AFAP1: variants seen among roughly 807,000 people sequenced by gnomAD.
AFAP1 encodes the protein actin filament-associated protein 1.
AFAP1 carries 75 observed loss-of-function variants against 93.9 expected under a neutral mutation model. The ratio of observed to expected loss-of-function variants is 0.80; its 90% CI spans 0.66 to 0.97. The LOEUF (loss-of-function observed/expected upper bound fraction) is 0.97, where lower values mean the gene tolerates loss of function less well. AFAP1 is among the 50% of genes least tolerant of loss of function. The pLI is 0.00. For missense variants in AFAP1, 1,201 were observed against 1,050.8 expected, an observed-to-expected ratio of 1.14 and a Z score of -1.98; for synonymous variants, 517 against 430.7, an observed-to-expected ratio of 1.20 and a Z score of -2.48.
chr4:7,904,181 T>C (rs1415743101), intron 1 of AFAP1, among the ~76,000 whole-genome samples: 1 of 152,128 alleles, frequency 6.6e-6, no homozygotes, highest in Non-Finnish European at 1.5e-5. Context: ...GCTGCCATGA[T>C]GACAGCGAAT....
rs1713494631 is a variant in AFAP1, at chr4:7,759,591, C to CAAACT, written c.*4169_*4173dup. On this transcript the variant is annotated 3_prime_UTR_variant, in exon 18 of 18. Transcript: ENST00000420658. ...CAGGAAAAAATGAATTATCCTCCTTCAAACTATGTCATGAACTTGAAGTGA... is the reference window on the plus strand; with the variant it reads ...CAGGAAAAAATGAATTATCCTCCTTCAAACTAAACTATGTCATGAACTTGAAGTGA... The CAAACT allele has an allele frequency of 6.5e-6, 1 of 152,696 alleles. No homozygotes were observed. The highest frequency in any genetic ancestry group is 2.4e-5 in the African/African-American group (1 of 41,476). The allele number at this position is 152,696 out of a possible 1,614,324, so 9.5% of individuals were successfully genotyped here.
chr4:7,793,750 G>T lies in AFAP1; in HGVS notation c.1343C>A (p.Ala448Asp). The change falls in exon 11 of 18, where the codon GCT becomes GAT. Residue 448 changes from alanine to aspartate, a missense_variant. By Grantham distance (126) the Ala-to-Asp change is moderately radical (BLOSUM62 -2). Transcript: ENST00000420658. ...CACATCAATGTAGTCATAGTGCAGA[G>T]CCTCCGGGTCTGTGGACGATCCCGT... ...AETGSSTDPE[A>D]LHYDYIDVEM... 1 of 1,580,430 alleles carries T rather than the reference G, an allele frequency of 6.3e-7. No individual in the cohort carries two copies. The highest frequency in any genetic ancestry group is 8.7e-7 in the Non-Finnish European group (1 of 1,153,660).
intron 1 of AFAP1, among the ~76,000 whole-genome samples, chr4:7,913,642 C>A (rs191311092): frequency 6.6e-6 from 1 of 152,218 alleles, no homozygotes; most frequent in Non-Finnish European, 1.5e-5. Context: ...AGCATGTATG[C>A]CTATTAATTA....
At position 7,774,900 on chromosome 4, in the gene AFAP1, G is replaced by A; in HGVS notation, c.1901C>T (p.Ala634Val). 1 of 1,605,834 alleles carries A rather than the reference G, an allele frequency of 6.2e-7. No individual in the cohort carries two copies. The highest frequency in any genetic ancestry group is 2.2e-5 in the East Asian group (1 of 44,832). ...AAVVKRTGSN[A>V]AQYKYGKNRV... ...GTTCTTGCCATACTTGTACTGGGCA[G>A]CATCTTGAGAAGAAAAAAAAGCAGC... is the stretch of plus-strand genomic sequence containing the variant. Residue 634 changes from alanine to valine, a missense_variant, in exon 15 of 18, where the codon GCT (alanine) becomes GTT (valine). By Grantham distance (64) the Ala-to-Val change is moderately conservative. Coordinates refer to ENST00000420658, the MANE Select transcript of AFAP1 (RefSeq NM_001134647.2).
At chr4:7,911,383 T>G (rs1239584889) in intron 1 of AFAP1, among the ~76,000 whole-genome samples, 3 of 152,342 alleles carry the variant, frequency 2.0e-5, no homozygotes, top group South Asian at 2.1e-4. Context: ...GCCTCGCCCA[T>G]GTTGCAGGCA....
rs145681830 is a variant in AFAP1, at chr4:7,893,180, C to A, written c.-2-21100G>T. On this transcript the variant is annotated intron_variant, in intron 1 of 17. Coordinates refer to ENST00000420658, the MANE Select transcript of AFAP1 (RefSeq NM_001134647.2). ...TTCCAGATCAGTGGCTAGCAACATC[C>A]CCTTTCCATCAGGAAAATCATGTTG... 1.1e-3 allele frequency among the ~76,000 whole-genome samples: 163 copies of A among 152,310 alleles called. 1 individual carries two copies. Among genetic ancestry groups the A allele is most frequent in the African/African-American group, 3.8e-3 (159 of 41,570 alleles).
At chr4:7,840,627 T>G (rs1712901577) in intron 5 of AFAP1, among the ~76,000 whole-genome samples, 1 of 152,178 alleles carries the variant, frequency 6.6e-6, no homozygotes, top group Non-Finnish European at 1.5e-5. Context: ...GTTTTGGTCT[T>G]CTAAATCCAG....
At chr4:7,873,261 A>AC (rs778147026) in intron 1 of AFAP1, among the ~76,000 whole-genome samples, 2 of 124,632 alleles carry the variant, frequency 1.6e-5, no homozygotes, top group African/African-American at 5.6e-5. Context: ...AAAAAAAAAA[A>AC]CCCCACTTTC....
At chr4:7,799,861 G>A (rs1375930402) in intron 10 of AFAP1, among the ~76,000 whole-genome samples, 3 of 152,118 alleles carry the variant, frequency 2.0e-5, no homozygotes, top group Non-Finnish European at 4.4e-5. Context: ...TAGTGAAGCA[G>A]CCAAATAAAT....
intron 10 of AFAP1, among the ~76,000 whole-genome samples, chr4:7,797,016 C>T (rs1358198984): frequency 6.6e-6 from 1 of 151,488 alleles, no homozygotes; most frequent in South Asian, 2.1e-4. Flanking sequence ...GCCGAGATTG[C>T]GCCACTGCAC....
intron 1 of AFAP1, among the ~76,000 whole-genome samples, chr4:7,891,732 T>C (rs953678375): frequency 1.7e-5 from 2 of 119,934 alleles, no homozygotes; most frequent in Non-Finnish European, 1.7e-5. Flanking sequence ...AACTTATAAA[T>C]ATGGTCTCAT....
Position 7,855,447 on chromosome 4 carries a change from G to A in AFAP1, c.334+19C>T. ...GCCAATCACAAAGGCAGCATGGCTG[G>A]GCAGGGCTGGCCACTCACTTGATGT... On this transcript the variant is annotated intron_variant, in intron 4 of 17. Transcript: ENST00000420658. 6.4e-7 allele frequency: 1 copy of A among 1,552,958 alleles called. No homozygotes were observed. Among genetic ancestry groups the A allele is most frequent in the Non-Finnish European group, 8.8e-7 (1 of 1,136,310 alleles).
chr4:7,889,105 T>C (rs932770043), intron 1 of AFAP1, among the ~76,000 whole-genome samples: 1 of 152,132 alleles, frequency 6.6e-6, no homozygotes, highest in Admixed American at 6.6e-5. Context: ...ACAAAATTTT[T>C]AGCAAATTAA....
chr4:7,787,702 T>A (rs1316640675), intron 11 of AFAP1, among the ~76,000 whole-genome samples: 2 of 152,094 alleles, frequency 1.3e-5, no homozygotes, highest in Non-Finnish European at 2.9e-5. Context: ...CTCACTCCCC[T>A]TCAAGGAGGG....
intron 4 of AFAP1, among the ~76,000 whole-genome samples, chr4:7,848,251 G>A (rs991711544): frequency 4.9e-5 from 7 of 143,010 alleles, no homozygotes; most frequent in African/African-American, 1.8e-4. Flanking sequence ...GGAAGGGAGG[G>A]AGGGAAGGAA....
intron 1 of AFAP1, among the ~76,000 whole-genome samples, chr4:7,887,988 G>A (rs28494514): frequency 0.31 from 46,609 of 151,626 alleles, 8,837 homozygotes; most frequent in Non-Finnish European, 0.44. Context: ...CACCACGCCC[G>A]GCTAAGTTTT....
chr4:7,838,082 C>A (rs984739868), intron 6 of AFAP1, among the ~76,000 whole-genome samples: 8 of 152,018 alleles, frequency 5.3e-5, no homozygotes, highest in Non-Finnish European at 1.2e-4. Context: ...GAAAGTCTAA[C>A]ATATATTTAA....
At chr4:7,847,970 G>A (rs1486257492) in intron 4 of AFAP1, among the ~76,000 whole-genome samples, 2 of 151,838 alleles carry the variant, frequency 1.3e-5, no homozygotes, top group Non-Finnish European at 2.9e-5. Flanking sequence ...GGAAACAGAA[G>A]CCATAGGAGA....
intron 17 of AFAP1, among the ~76,000 whole-genome samples, chr4:7,765,315 A>G (rs1443772225): frequency 6.6e-6 from 1 of 152,154 alleles, no homozygotes; most frequent in Non-Finnish European, 1.5e-5. Context: ...TCACCTGGCC[A>G]GCCTCATGCA....
Sources: allele counts gnomAD v4.1 joint callset (sites outside exome capture counted in the v4.1 genomes callset), GRCh38; gene constraint gnomAD v4.1.1; transcripts MANE v1.5; gene names NCBI Gene and HGNC (gene_info 2026-07-23, HGNC 2026-07-21).